Variants in CDK13 observed in about 807,000 individuals in gnomAD.
The protein encoded by CDK13 is cyclin dependent kinase 13.
CDK13 carries 40 observed loss-of-function variants against 137.6 expected under a neutral mutation model. That is an observed-to-expected ratio of 0.29 (90% CI 0.23 to 0.38). The LOEUF is 0.38. Ranked by LOEUF, CDK13 falls within the 10% of genes least tolerant of loss-of-function variation. The probability of loss-of-function intolerance (pLI) is 1.00; values close to 1 mark genes in which losing one functional copy is unlikely to be tolerated. For missense variants in CDK13, 1,704 were observed against 1,951.8 expected, an observed-to-expected ratio of 0.87 and a Z score of 2.39; for synonymous variants, 869 against 760.1, an observed-to-expected ratio of 1.14 and a Z score of -2.36.
intron 1 of CDK13, among the ~76,000 whole-genome samples, chr7:39,978,209 A>G (rs998331835): frequency 2.6e-5 from 4 of 152,222 alleles, no homozygotes; most frequent in African/African-American, 9.6e-5. Flanking sequence ...AAAAACCTCA[A>G]GGTGCGGAAA....
At chr7:40,049,363 ACACTT>A (rs1785828265) in intron 7 of CDK13, among the ~76,000 whole-genome samples, 1 of 150,760 alleles carries the variant, frequency 6.6e-6, no homozygotes, top group South Asian at 2.1e-4. Flanking sequence ...TTTAACTACT[ACACTT>A]AAAATTAACA....
chr7:40,024,080 G>A (rs985641785), intron 5 of CDK13, among the ~76,000 whole-genome samples: 2 of 152,082 alleles, frequency 1.3e-5, no homozygotes, highest in African/African-American at 2.4e-5. Context: ...CTCTGTACCC[G>A]TTTTACTCAT....
At chr7:40,032,676 T>C (rs1785405377) in intron 5 of CDK13, among the ~76,000 whole-genome samples, 2 of 152,212 alleles carry the variant, frequency 1.3e-5, no homozygotes, top group Admixed American at 1.3e-4. Context: ...TTAACTCCAT[T>C]ATCAAAGATC....
intron 1 of CDK13, among the ~76,000 whole-genome samples, chr7:39,971,743 C>T (rs926152205): frequency 6.6e-6 from 1 of 151,930 alleles, no homozygotes; most frequent in African/African-American, 2.4e-5. Flanking sequence ...ATTAGCCGGA[C>T]GTGGTGGCGG....
chr7:40,039,140 T>C (rs1785548926), intron 5 of CDK13, among the ~76,000 whole-genome samples: 1 of 152,236 alleles, frequency 6.6e-6, no homozygotes, highest in Admixed American at 6.5e-5. Context: ...AGTTTTTAAC[T>C]TTGCATTCAC....
At chr7:40,076,226 C>CA (rs1786541716) in intron 9 of CDK13, among the ~76,000 whole-genome samples, 1 of 151,864 alleles carries the variant, frequency 6.6e-6, no homozygotes, top group Admixed American at 6.6e-5. Flanking sequence ...GAAAAGTATA[C>CA]AAAAACAAGA....
In CDK13 at chr7:40,098,696, T is replaced by G. The variant is rs1278082067; in HGVS notation, c.*3716T>G. The G allele has an allele frequency of 6.6e-6, 1 of 152,070 alleles. No individual in the cohort carries two copies. Among genetic ancestry groups the G allele is most frequent in the Non-Finnish European group, 1.5e-5 (1 of 67,968 alleles). The allele number at this position is 152,070 out of a possible 1,614,324, so 9.4% of individuals were successfully genotyped here. A position where few individuals can be genotyped will look rare whatever the true frequency, so the allele number is the denominator to read the frequency against. ...TGGCAGCTGGATTGCCTGTGCTTGT[T>G]CCTCTAAGCCATACCTAAATTCTGC... On this transcript the variant is annotated 3_prime_UTR_variant, in exon 14 of 14. Coordinates refer to ENST00000181839, the MANE Select transcript of CDK13 (RefSeq NM_003718.5).
At chr7:40,032,779 T>C (rs1437997692) in intron 5 of CDK13, among the ~76,000 whole-genome samples, 1 of 152,174 alleles carries the variant, frequency 6.6e-6, no homozygotes, top group African/African-American at 2.4e-5. Flanking sequence ...GATACCATAC[T>C]GTATTAATTA....
chr7:40,029,197 C>A (rs1785311584), intron 5 of CDK13, among the ~76,000 whole-genome samples: 1 of 149,914 alleles, frequency 6.7e-6, no homozygotes, highest in Non-Finnish European at 1.5e-5. Flanking sequence ...GAGGCCGAGG[C>A]AAGTGGATCA....
intron 9 of CDK13, among the ~76,000 whole-genome samples, 156 bp from the exon 10 acceptor site, chr7:40,077,849 C>G (rs2150535866): frequency 6.6e-6 from 1 of 152,086 alleles, no homozygotes; most frequent in Admixed American, 6.5e-5. Flanking sequence ...GAGTGAGACT[C>G]TGTCTCAAAA....
rs1333323434 is a variant in CDK13, at chr7:39,987,690, C to G, written c.1303C>G (p.His435Asp). Residue 435 changes from histidine to aspartate, a missense_variant, in exon 2 of 14, where the codon CAT becomes GAT. Transcript: ENST00000181839. ...RHRLSRSRSR[H>D]SSISPSTLTL... ...CAGATTGTCTAGATCCAGAAGTCGTCATTCTAGTATTTCTCCTAGCACACT... is the reference window on the plus strand; with the variant it reads ...CAGATTGTCTAGATCCAGAAGTCGTGATTCTAGTATTTCTCCTAGCACACT... 5.0e-6 allele frequency: 8 copies of G among 1,614,016 alleles called. No individual in the cohort carries two copies. Among genetic ancestry groups the G allele is most frequent in the Non-Finnish European group, 6.8e-6 (8 of 1,179,978 alleles).
intron 5 of CDK13, among the ~76,000 whole-genome samples, chr7:40,044,094 A>G (rs568607206): frequency 4.6e-5 from 7 of 151,536 alleles, no homozygotes; most frequent in Non-Finnish European, 7.4e-5. Flanking sequence ...ATGGGGTTTC[A>G]CTATGTTGGC....
chr7:39,961,971 A>G (rs901491775), intron 1 of CDK13, among the ~76,000 whole-genome samples: 17 of 152,048 alleles, frequency 1.1e-4, no homozygotes, highest in African/African-American at 2.9e-4. Context: ...TGAACTCATC[A>G]TTTTTTATGG....
intron 5 of CDK13, among the ~76,000 whole-genome samples, chr7:40,017,879 T>A (rs1364705119): frequency 6.6e-6 from 1 of 151,882 alleles, no homozygotes; most frequent in African/African-American, 2.4e-5. Flanking sequence ...TTTATTTTTA[T>A]CTTACAGTGT....
chr7:40,000,920 G>C (rs1392144342), intron 4 of CDK13, among the ~76,000 whole-genome samples: 1 of 151,860 alleles, frequency 6.6e-6, no homozygotes, highest in Non-Finnish European at 1.5e-5. Flanking sequence ...TTTTCTATTT[G>C]GATCATTTCT....
In CDK13 at chr7:40,097,026, TC is replaced by T. The variant is rs1421662701; in HGVS notation, c.*2047del. On this transcript the variant is annotated 3_prime_UTR_variant, in exon 14 of 14. Coordinates refer to ENST00000181839, the MANE Select transcript of CDK13 (RefSeq NM_003718.5). ...ACAGTATCTAAGTTATTCTTAATAG[TC>T]ACACTTGATAATTCTGCTGACCATA... 1 of 152,146 alleles carries T rather than the reference TC, an allele frequency of 6.6e-6. No individual in the cohort carries two copies. The highest frequency in any genetic ancestry group is 1.5e-5 in the Non-Finnish European group (1 of 67,968). 9.4% of individuals were successfully genotyped at this position (152,146 alleles called of 1,614,324 possible). A position where few individuals can be genotyped will look rare whatever the true frequency, so the allele number is the denominator to read the frequency against.
chr7:39,986,329 T>TA (rs1016407364), intron 1 of CDK13: 1 of 152,240 alleles, frequency 6.6e-6, no homozygotes, highest in Non-Finnish European at 1.5e-5. Context: ...GGTACTGTGT[T>TA]AAATTTGTGG....
At chr7:39,961,709 A>G (rs1192282152) in intron 1 of CDK13, among the ~76,000 whole-genome samples, 1 of 151,596 alleles carries the variant, frequency 6.6e-6, no homozygotes, top group Non-Finnish European at 1.5e-5. Flanking sequence ...ATATGTATAC[A>G]TGTGCCATGT....
intron 5 of CDK13, among the ~76,000 whole-genome samples, chr7:40,007,998 G>T (rs964477986): frequency 6.6e-6 from 1 of 152,192 alleles, no homozygotes; most frequent in African/African-American, 2.4e-5. Context: ...GACAATGAAA[G>T]ATCGGCATAT....
Sources: gnomAD v4.1 joint callset for allele counts (sites outside exome capture counted in the v4.1 genomes callset) on GRCh38, gnomAD v4.1.1 for gene constraint, MANE v1.5 for transcripts, NCBI Gene and HGNC (gene_info 2026-07-23, HGNC 2026-07-21) for gene names.